The following CTNND2 variants were observed in gnomAD, a reference collection of about 807,000 sequenced individuals.
The protein encoded by CTNND2 is catenin delta 2.
Under a neutral mutation model 144.4 loss-of-function variants are expected in CTNND2, and 22 were observed. The observed-to-expected ratio is 0.15, with a 90% CI of 0.11 to 0.22. The LOEUF is 0.22. CTNND2 is among the 10% of genes least tolerant of loss of function. The pLI is 1.00. For missense variants in CTNND2, 1,353 were observed against 1,618.8 expected, an observed-to-expected ratio of 0.84 and a Z score of 2.82; for synonymous variants, 751 against 695.6, an observed-to-expected ratio of 1.08 and a Z score of -1.25.
intron 1 of CTNND2, among the ~76,000 whole-genome samples, chr5:11,864,948 G>A (rs1252589486): frequency 7.4e-6 from 1 of 135,090 alleles, no homozygotes; most frequent in Non-Finnish European, 1.5e-5. Context: ...AGGCTACAGT[G>A]CAATGGCACG....
intron 3 of CTNND2, among the ~76,000 whole-genome samples, chr5:11,509,231 C>T (rs1420653578): frequency 6.6e-6 from 1 of 152,144 alleles, no homozygotes; most frequent in Non-Finnish European, 1.5e-5. Context: ...GGCATTGCAT[C>T]AGTGAACAGA....
intron 5 of CTNND2, among the ~76,000 whole-genome samples, chr5:11,398,098 C>T (rs1760304892): frequency 6.6e-6 from 1 of 152,086 alleles, no homozygotes; most frequent in Non-Finnish European, 1.5e-5. Context: ...GTAAGAAGAG[C>T]GTGTCAGTGG....
In CTNND2 at chr5:11,028,126, G is replaced by A. The variant is rs73045961; in HGVS notation, c.2789-5147C>T. On this transcript the variant is annotated intron_variant, in intron 16 of 21. Coordinates refer to ENST00000304623, the MANE Select transcript of CTNND2 (RefSeq NM_001332.4). Reference sequence around the variant, plus strand: ...CTATAGATCTCTTCTGATCACTGATGGAGTCCTATGTGTAGATGGTCTTTG... The same window carrying A: ...CTATAGATCTCTTCTGATCACTGATAGAGTCCTATGTGTAGATGGTCTTTG... Among the ~76,000 whole-genome samples, 1,372 of 152,276 alleles carry A rather than the reference G, an allele frequency of 9.0e-3. 24 individuals are homozygous for A. The highest frequency in any genetic ancestry group is 0.031 in the African/African-American group (1,304 of 41,536).
intron 1 of CTNND2, among the ~76,000 whole-genome samples, chr5:11,825,084 T>C (rs1343138520): frequency 6.6e-6 from 1 of 152,146 alleles, no homozygotes; most frequent in African/African-American, 2.4e-5. Flanking sequence ...TTGATTTTGC[T>C]GTTCTTCCAC....
intron 3 of CTNND2, among the ~76,000 whole-genome samples, chr5:11,451,675 T>C (rs1005697747): frequency 2.0e-5 from 3 of 152,222 alleles, no homozygotes; most frequent in African/African-American, 4.8e-5. Flanking sequence ...CAGACTAAAA[T>C]AATAAATTCT....
At chr5:11,382,826 T>A (rs928264115) in intron 7 of CTNND2, among the ~76,000 whole-genome samples, 2 of 152,066 alleles carry the variant, frequency 1.3e-5, no homozygotes, top group Non-Finnish European at 2.9e-5. Context: ...TCGAATGGTA[T>A]CAAGCACACG....
intron 9 of CTNND2, among the ~76,000 whole-genome samples, chr5:11,296,277 A>T (rs1580826061): frequency 1.3e-5 from 2 of 152,228 alleles, no homozygotes; most frequent in African/African-American, 4.8e-5. Context: ...TCAAAACCAC[A>T]ATGAGATACC....
At chr5:11,420,116 G>C (rs1327615914) in intron 3 of CTNND2, among the ~76,000 whole-genome samples, 2 of 152,130 alleles carry the variant, frequency 1.3e-5, no homozygotes, top group East Asian at 3.9e-4. Flanking sequence ...AAGATCAGGA[G>C]TTTGAGATCA....
intron 2 of CTNND2, among the ~76,000 whole-genome samples, chr5:11,719,579 G>C (rs556315150): frequency 1.3e-5 from 2 of 152,238 alleles, no homozygotes; most frequent in African/African-American, 4.8e-5. Context: ...ATATTTAAAT[G>C]TTGTCAAGAT....
At chr5:11,590,539 T>TG (rs1241761428) in intron 2 of CTNND2, among the ~76,000 whole-genome samples, 1 of 152,064 alleles carries the variant, frequency 6.6e-6, no homozygotes, top group Non-Finnish European at 1.5e-5. Context: ...ATGTACTTTG[T>TG]GATATTCCCC....
chr5:11,589,651 T>C (rs971733456), intron 2 of CTNND2, among the ~76,000 whole-genome samples: 1 of 152,192 alleles, frequency 6.6e-6, no homozygotes, highest in Admixed American at 6.5e-5. Flanking sequence ...CTAGCTATTA[T>C]AGTACCTCAA....
intron 2 of CTNND2, among the ~76,000 whole-genome samples, chr5:11,656,227 C>T (rs888311677): frequency 6.6e-6 from 1 of 151,900 alleles, no homozygotes; most frequent in African/African-American, 2.4e-5. Context: ...ATATACGTTA[C>T]CTAGAAATAC....
intron 9 of CTNND2, among the ~76,000 whole-genome samples, chr5:11,288,063 C>T (rs929628157): frequency 2.0e-5 from 3 of 152,136 alleles, no homozygotes; most frequent in African/African-American, 7.2e-5. Context: ...TCAGGTATGA[C>T]ACTTATATAA....
chr5:11,025,203 C>T (rs746475300), intron 16 of CTNND2, among the ~76,000 whole-genome samples: 17 of 152,148 alleles, frequency 1.1e-4, no homozygotes, highest in Non-Finnish European at 2.2e-4. Flanking sequence ...AGTAAAGAAA[C>T]AAATCAGGTA....
chr5:11,017,684 T>C (rs1025326248), intron 18 of CTNND2, among the ~76,000 whole-genome samples: 27 of 151,774 alleles, frequency 1.8e-4, no homozygotes, highest in African/African-American at 6.5e-4. Flanking sequence ...TGTCATTACT[T>C]GTTAGTCTAC....
intron 2 of CTNND2, among the ~76,000 whole-genome samples, chr5:11,581,706 T>C (rs1163501618): frequency 6.6e-6 from 1 of 152,180 alleles, no homozygotes; most frequent in East Asian, 1.9e-4. Context: ...ACTCCAGTAA[T>C]AATCAAGACA....
intron 3 of CTNND2, among the ~76,000 whole-genome samples, chr5:11,499,916 T>A (rs1294512810): frequency 2.0e-5 from 3 of 152,198 alleles, no homozygotes; most frequent in African/African-American, 7.2e-5. Flanking sequence ...TACTTCCCTG[T>A]ACTTTCATTT....
chr5:11,808,966 G>A (rs1156982621), intron 1 of CTNND2, among the ~76,000 whole-genome samples: 1 of 152,190 alleles, frequency 6.6e-6, no homozygotes, highest in Non-Finnish European at 1.5e-5. Flanking sequence ...GGAAAGCTGT[G>A]AGAATTATCA....
intron 1 of CTNND2, among the ~76,000 whole-genome samples, chr5:11,766,796 C>A (rs151179549): frequency 6.6e-6 from 1 of 152,246 alleles, no homozygotes; most frequent in East Asian, 1.9e-4. Flanking sequence ...TATTTCTTAT[C>A]TCCTCTCCTC....
Sources: allele counts gnomAD v4.1 joint callset (sites outside exome capture counted in the v4.1 genomes callset), GRCh38; gene constraint gnomAD v4.1.1; transcripts MANE v1.5; gene names NCBI Gene and HGNC (gene_info 2026-07-23, HGNC 2026-07-21).